IQCM: variants seen among roughly 807,000 people sequenced by gnomAD.
IQCM encodes IQ domain-containing protein M.
Under a neutral mutation model 57.6 loss-of-function variants are expected in IQCM, and 45 were observed. The observed-to-expected ratio is 0.78, with a 90% CI of 0.62 to 1.00. IQCM has a LOEUF of 1.00. Ranked by LOEUF, IQCM falls within the 50% of genes least tolerant of loss-of-function variation. The pLI is 0.00. For synonymous variants in IQCM, 148 were observed against 158.9 expected, an observed-to-expected ratio of 0.93 and a Z score of 0.51; for missense variants, 468 against 511.6, an observed-to-expected ratio of 0.91 and a Z score of 0.82.
At chr4:149,756,807 G>C (rs543633267) in intron 2 of IQCM, among the ~76,000 whole-genome samples, 2 of 152,080 alleles carry the variant, frequency 1.3e-5, no homozygotes, top group South Asian at 4.1e-4. Context: ...TTTAAGAAGA[G>C]GATAAATAGA....
intron 13 of IQCM, among the ~76,000 whole-genome samples, chr4:149,402,000 G>C (rs1044218629): frequency 6.6e-6 from 1 of 151,718 alleles, no homozygotes; most frequent in African/African-American, 2.4e-5. Context: ...GTTGATACAC[G>C]GATATAAGTT....
intron 13 of IQCM, among the ~76,000 whole-genome samples, chr4:149,389,712 T>C (rs1731706114): frequency 9.1e-6 from 1 of 110,010 alleles, no homozygotes; most frequent in East Asian, 3.1e-4. Context: ...CTGTTGTGGG[T>C]TGGGGGCGGG....
intron 8 of IQCM, among the ~76,000 whole-genome samples, chr4:149,591,345 T>A (rs562131664): frequency 2.6e-5 from 4 of 152,236 alleles, no homozygotes; most frequent in African/African-American, 7.2e-5. Context: ...AATTTTTGCA[T>A]CTTAATTATA....
chr4:149,651,257 G>T (rs1212372941), intron 7 of IQCM, among the ~76,000 whole-genome samples: 1 of 152,138 alleles, frequency 6.6e-6, no homozygotes, highest in African/African-American at 2.4e-5. Flanking sequence ...GACAGCAGAA[G>T]CACCCTGGAC....
intron 8 of IQCM, among the ~76,000 whole-genome samples, chr4:149,613,717 C>T (rs190918754): frequency 9.9e-5 from 15 of 152,160 alleles, no homozygotes; most frequent in African/African-American, 3.1e-4. Context: ...TATCTCTCCC[C>T]GCTCCCCCCA....
rs114726048 is a variant in IQCM, at chr4:149,728,960, C to T, written c.385+4284G>A. The stretch of plus-strand genomic sequence containing the variant: ...GGTCCAGTAATATGAGACCCAAGTA[C>T]AGAAGATATCTCCATCTTCCCCAAA... On this transcript the variant is annotated intron_variant, in intron 5 of 13. Coordinates refer to ENST00000636793, the MANE Select transcript of IQCM (RefSeq NM_001363507.2). Among the ~76,000 whole-genome samples the T allele has an allele frequency of 2.5e-3, 385 of 152,280 alleles. 1 individual carries two copies. Among genetic ancestry groups the T allele is most frequent in the African/African-American group, 7.4e-3 (306 of 41,562 alleles).
At chr4:149,798,646 GGA>G (rs1381811020) in intron 2 of IQCM, among the ~76,000 whole-genome samples, 2 of 151,868 alleles carry the variant, frequency 1.3e-5, no homozygotes, top group Non-Finnish European at 2.9e-5. Flanking sequence ...ATAAAGGGAT[GGA>G]AAAAGATAGT....
chr4:149,484,882 A>G (rs749797631), intron 12 of IQCM, among the ~76,000 whole-genome samples: 1 of 152,010 alleles, frequency 6.6e-6, no homozygotes, highest in Non-Finnish European at 1.5e-5. Flanking sequence ...TACATTTGGT[A>G]TTGATGAAAT....
chr4:149,512,371 C>T (rs13144096), intron 12 of IQCM, among the ~76,000 whole-genome samples: 81,645 of 151,898 alleles, frequency 0.54, 22,168 homozygotes, highest in Non-Finnish European at 0.57. Flanking sequence ...CCTGGTTCTG[C>T]AAATTTTATT....
At position 149,444,527 on chromosome 4, in the gene IQCM, C is replaced by T. The variant is rs192396423; in HGVS notation, c.1229-10970G>A. 3.4e-3 allele frequency among the ~76,000 whole-genome samples: 522 copies of T among 151,916 alleles called. 10 individuals carry two copies. The highest frequency in any genetic ancestry group is 0.027 in the Admixed American group (408 of 15,200). On this transcript the variant is annotated intron_variant, in intron 12 of 13. Transcript: ENST00000636793. ...TTAATTGCTTGAATAAAGATAGGCTCACATCATTTATAAACGTGTATGCAG... is the reference window on the plus strand; with the variant it reads ...TTAATTGCTTGAATAAAGATAGGCTTACATCATTTATAAACGTGTATGCAG...
At chr4:149,449,322 A>T (rs965749581) in intron 12 of IQCM, among the ~76,000 whole-genome samples, 2 of 146,388 alleles carry the variant, frequency 1.4e-5, no homozygotes, top group African/African-American at 2.5e-5. Flanking sequence ...AACCAGGTTT[A>T]TATATATATA....
At chr4:149,400,824 T>A (rs564167580) in intron 13 of IQCM, among the ~76,000 whole-genome samples, 1 of 152,052 alleles carries the variant, frequency 6.6e-6, no homozygotes, top group African/African-American at 2.4e-5. Context: ...ATTTTTAACA[T>A]TATTAATGGA....
chr4:149,363,969 G>A (rs1729666182), intron 13 of IQCM, among the ~76,000 whole-genome samples: 1 of 152,088 alleles, frequency 6.6e-6, no homozygotes, highest in South Asian at 2.1e-4. Context: ...ACTTTGTTCA[G>A]AATCAATAGC....
intron 2 of IQCM, among the ~76,000 whole-genome samples, chr4:149,764,906 T>A (rs1178714496): frequency 6.6e-6 from 1 of 152,098 alleles, no homozygotes; most frequent in African/African-American, 2.4e-5. Context: ...AATAGCAGCA[T>A]TGCTTTAACA....
At chr4:149,777,984 G>A (rs1405025744) in intron 2 of IQCM, among the ~76,000 whole-genome samples, 1 of 152,098 alleles carries the variant, frequency 6.6e-6, no homozygotes, top group African/African-American at 2.4e-5. Flanking sequence ...TTGAAGAACA[G>A]GAAAATCTCC....
intron 10 of IQCM, among the ~76,000 whole-genome samples, chr4:149,561,822 A>G (rs1750148958): frequency 6.6e-6 from 1 of 152,204 alleles, no homozygotes; most frequent in Non-Finnish European, 1.5e-5. Context: ...AAACATGTAA[A>G]CAGATGACAA....
At chr4:149,376,731 T>TA (rs1171957862) in intron 13 of IQCM, among the ~76,000 whole-genome samples, 2 of 152,148 alleles carry the variant, frequency 1.3e-5, no homozygotes, top group Non-Finnish European at 2.9e-5. Context: ...TTTTCTGCAA[T>TA]AAAAAAATTA....
At chr4:149,373,823 C>A (rs1239230964) in intron 13 of IQCM, among the ~76,000 whole-genome samples, 1 of 151,992 alleles carries the variant, frequency 6.6e-6, no homozygotes, top group Admixed American at 6.6e-5. Context: ...AAAAATATTT[C>A]TCAGAGGCCC....
chr4:149,747,171 A>G, intron 2 of IQCM, among the ~76,000 whole-genome samples: 1 of 122,128 alleles, frequency 8.2e-6, no homozygotes, highest in East Asian at 2.7e-4. Context: ...TAGGAATAAG[A>G]AAAGAGAAAG....
Sources: gnomAD v4.1 joint callset for allele counts (sites outside exome capture counted in the v4.1 genomes callset) on GRCh38, gnomAD v4.1.1 for gene constraint, MANE v1.5 for transcripts, NCBI Gene and HGNC (gene_info 2026-07-23, HGNC 2026-07-21) for gene names.